The following ADGRL1 variants were observed in gnomAD, a reference collection of about 807,000 sequenced individuals.
The protein encoded by ADGRL1 is CIRL-1.
Under a neutral mutation model 148.9 loss-of-function variants are expected in ADGRL1, and 31 were observed. That is an observed-to-expected ratio of 0.21 (90% confidence interval 0.16 to 0.28). The LOEUF (loss-of-function observed/expected upper bound fraction) is 0.28, where lower values mean the gene tolerates loss of function less well. Among genes scored for constraint, ADGRL1 ranks in the 10% least tolerant of loss-of-function variants. The probability of loss-of-function intolerance (pLI) is 1.00; values close to 1 mark genes in which losing one functional copy is unlikely to be tolerated. For missense variants in ADGRL1, 1,521 were observed against 2,058.8 expected (o/e 0.74, Z 5.05); for synonymous variants, 937 against 900.3 (o/e 1.04, Z -0.73).
At chr19:14,197,962 C>T (rs1236234362) in intron 1 of ADGRL1, among the ~76,000 whole-genome samples, 1 of 152,138 alleles carries the variant, frequency 6.6e-6, no homozygotes, top group East Asian at 1.9e-4. Flanking sequence ...CATGTAGGTG[C>T]AACTGTAGAC....
intron 1 of ADGRL1, among the ~76,000 whole-genome samples, chr19:14,202,467 G>C (rs1404196153): frequency 6.6e-6 from 1 of 151,996 alleles, no homozygotes; most frequent in Non-Finnish European, 1.5e-5. Context: ...TGGCCAGGCT[G>C]GTCTCGAGCC....
At chr19:14,200,898 G>A (rs2082486) in intron 1 of ADGRL1, among the ~76,000 whole-genome samples, 25,858 of 152,226 alleles carry the variant, frequency 0.17, 2,673 homozygotes, top group East Asian at 0.4. Flanking sequence ...GATTACAGGC[G>A]TGGGCCACTT....
chr19:14,154,851 A>G (rs1968561847), intron 18 of ADGRL1, among the ~76,000 whole-genome samples: 1 of 152,012 alleles, frequency 6.6e-6, no homozygotes, highest in South Asian at 2.1e-4. Flanking sequence ...TCCTGACCTC[A>G]GGTGATCCGC....
Position 14,170,746 on chromosome 19 carries a change from G to C in ADGRL1, c.330C>G (p.Ala110=), listed in dbSNP as rs745437981. 3 of 1,613,138 alleles carry C rather than the reference G, an allele frequency of 1.9e-6. No homozygotes were observed. In the African/African-American group the frequency reaches 4.0e-5, roughly 22 times the overall value. The part of the protein sequence containing the change: ...TQCVVVAGSD[A]FPDPCPGTYK... Reference sequence around the variant, plus strand: ...AGGTCCCAGGACAGGGGTCAGGAAAGGCATCCGAGCCGGCGACCACCACGC... The same window carrying C: ...AGGTCCCAGGACAGGGGTCAGGAAACGCATCCGAGCCGGCGACCACCACGC... The change falls in exon 4 of 23, where the codon GCC becomes GCG. Residue 110 remains alanine (A), a synonymous_variant. Transcript: ENST00000361434.
Position 14,160,731 on chromosome 19 carries a change from G to T in ADGRL1, c.1511-35C>A. ...CAGACAGACAGGAACAGACAAGGGAGCCAAAGGGAAGAAGAGAAGGATGGG... is the reference window on the plus strand; with the variant it reads ...CAGACAGACAGGAACAGACAAGGGATCCAAAGGGAAGAAGAGAAGGATGGG... On this transcript the variant is annotated intron_variant, in intron 6 of 22. Transcript: ENST00000361434. The surrounding 1 kb of genome is among the most constrained non-coding windows in gnomAD (Gnocchi z 5.9). The T allele has an allele frequency of 7.9e-7, 1 of 1,271,902 alleles. No homozygotes were observed. Among genetic ancestry groups the T allele is most frequent in the Admixed American group, 1.7e-5 (1 of 57,158 alleles). The allele number at this position is 1,271,902 out of a possible 1,614,324, so 78.8% of individuals were successfully genotyped here.
At chr19:14,154,103 CAT>C (rs1968492623) in intron 18 of ADGRL1, among the ~76,000 whole-genome samples, 1 of 152,096 alleles carries the variant, frequency 6.6e-6, no homozygotes, top group Non-Finnish European at 1.5e-5. Context: ...CAGATCAGAC[CAT>C]AGGGGCCTGG....
Position 14,159,303 on chromosome 19 carries a change from A to G in ADGRL1, c.2024-88T>C, listed in dbSNP as rs1000566770. 1 of 1,578,846 alleles carries G rather than the reference A, an allele frequency of 6.3e-7. No individual in the cohort carries two copies. Among genetic ancestry groups the G allele is most frequent in the Non-Finnish European group, 8.6e-7 (1 of 1,158,410 alleles). ...GGCTGCAGAACGAGACTCTGGCAAG[A>G]TGCCCAAGGGTCGGATAGCCCCCCT... On this transcript the variant is annotated intron_variant, in intron 10 of 22. Transcript: ENST00000361434. This position sits in a 1 kb window ranked among gnomAD's most constrained non-coding sequence, Gnocchi z 6.0.
intron 4 of ADGRL1, chr19:14,168,939 A>C (rs1329903399): frequency 6.6e-6 from 1 of 152,264 alleles, no homozygotes; most frequent in Non-Finnish European, 1.5e-5. Context: ...CACTGAAGTG[A>C]GGCCACATGG....
rs759666073 is a variant in ADGRL1, at chr19:14,155,971, C to T, written c.3125+139G>A. On this transcript the variant is annotated intron_variant, in intron 17 of 22. Coordinates refer to ENST00000361434, the MANE Select transcript of ADGRL1 (RefSeq NM_014921.5). The surrounding 1 kb of genome is among the most constrained non-coding windows in gnomAD (Gnocchi z 5.0). Reference sequence around the variant, plus strand: ...TAGGTACATAGTGAACACAATAGAACACCCCTGTTGGTACTTAAAATTGCA... The same window carrying T: ...TAGGTACATAGTGAACACAATAGAATACCCCTGTTGGTACTTAAAATTGCA... The T allele has an allele frequency of 4.3e-5, 29 of 667,710 alleles. No homozygotes were observed. The highest frequency in any genetic ancestry group is 6.8e-5 in the Non-Finnish European group (25 of 368,842). 41.4% of individuals were successfully genotyped at this position (667,710 alleles called of 1,614,324 possible).
rs772808547 is a variant in ADGRL1 at position 14,158,382 on chromosome 19, C to T, written c.2320G>A (p.Val774Ile). ...AASINKESSR[V>I]FLMDPVIFTV... ...AAGATGACAGGGTCCATGAGGAAGA[C>T]GCGGCTGGACTCCTTGTTGATGGAT... Residue 774 changes from valine (V) to isoleucine (I), a missense_variant, in exon 12 of 23, where the codon GTC (valine) becomes ATC (isoleucine). Transcript: ENST00000361434. 15 of 1,613,684 alleles carry T rather than the reference C, an allele frequency of 9.3e-6. No individual in the cohort carries two copies. Among genetic ancestry groups the T allele is most frequent in the East Asian group, 4.5e-5 (2 of 44,896 alleles).
In ADGRL1 at chr19:14,173,045, G is replaced by A. The variant is rs147198795; in HGVS notation, c.285-2254C>T. On this transcript the variant is annotated intron_variant, in intron 3 of 22. Transcript: ENST00000361434. ...TACAATCTTGGCTCACTGCAGCCTC[G>A]GCCTCCCAGGCTCAAGTGATCCTCC... 6.7e-3 allele frequency among the ~76,000 whole-genome samples: 1,025 copies of A among 152,064 alleles called. 18 individuals are homozygous for A. The highest frequency in any genetic ancestry group is 0.024 in the African/African-American group (986 of 41,480).
chr19:14,183,194 A>AGAGAGAGAGAGC (rs1491220783), intron 2 of ADGRL1, among the ~76,000 whole-genome samples: 1 of 37,194 alleles, frequency 2.7e-5, no homozygotes, highest in Non-Finnish European at 5.8e-5. Context: ...ATGTAATCAC[A>AGAGAGAGAGAGC]GAGAGAGAGA....
chr19:14,203,083 T>A lies in ADGRL1; in HGVS notation c.-96+2902A>T, dbSNP rs553431322. 6.6e-5 allele frequency among the ~76,000 whole-genome samples: 10 copies of A among 152,200 alleles called. No homozygotes were observed. The East Asian group carries it at 1.9e-3, about 30-fold the overall frequency. On this transcript the variant is annotated intron_variant, in intron 1 of 22. Transcript: ENST00000361434. ...CATCAGGGTGCCCAATAGCAACCAC[T>A]TTGCCCCAAACCCAGCCTGGGAGGA...
intron 1 of ADGRL1, chr19:14,191,332 T>G (rs1484573737): frequency 2.2e-6 from 1 of 456,668 alleles, no homozygotes; most frequent in South Asian, 1.5e-5. Context: ...CTTGCCATGC[T>G]GTGACCTCTT....
intron 1 of ADGRL1, among the ~76,000 whole-genome samples, chr19:14,200,676 G>A (rs1322770900): frequency 6.6e-6 from 1 of 152,136 alleles, no homozygotes; most frequent in East Asian, 1.9e-4. Flanking sequence ...GCAGTGGCGC[G>A]ATCACAGCTC....
At chr19:14,194,012 C>T (rs1276263201) in intron 1 of ADGRL1, among the ~76,000 whole-genome samples, 3 of 151,674 alleles carry the variant, frequency 2.0e-5, no homozygotes, top group East Asian at 2.0e-4. Context: ...GAGGCCAAGG[C>T]GGGAGAATTG....
rs760508187 is a variant in ADGRL1 at position 14,157,092 on chromosome 19, G to A, written c.2799C>T (p.Phe933=). 1.2e-6 allele frequency: 2 copies of A among 1,614,154 alleles called. No individual in the cohort carries two copies. Among genetic ancestry groups the A allele is most frequent in the Admixed American group, 3.3e-5 (2 of 60,014 alleles). Residue 933 remains phenylalanine (F), a synonymous_variant, in exon 15 of 23, where the codon TTC becomes TTT. Transcript: ENST00000361434. The surrounding 1 kb of genome is among the most constrained non-coding windows in gnomAD (Gnocchi z 7.5). ...GLLHYFFLAA[F]SWLCLEGVHL... Reference sequence around the variant, plus strand: ...GCACGCCCTCCAGGCACAGCCAGGAGAAGGCAGCCAGGAAGAAATAGTGCA... The same window carrying A: ...GCACGCCCTCCAGGCACAGCCAGGAAAAGGCAGCCAGGAAGAAATAGTGCA...
At chr19:14,175,102 C>CA (rs1325571377) in intron 3 of ADGRL1, among the ~76,000 whole-genome samples, 1 of 152,112 alleles carries the variant, frequency 6.6e-6, no homozygotes, top group Non-Finnish European at 1.5e-5. Flanking sequence ...CTCAGCCTCC[C>CA]AAAGTTCTGT....
chr19:14,165,851 A>AT (rs1466859469), intron 4 of ADGRL1, among the ~76,000 whole-genome samples: 1 of 152,002 alleles, frequency 6.6e-6, no homozygotes, highest in East Asian at 1.9e-4. Flanking sequence ...GACCACTGTA[A>AT]TTTCAAGGCA....
Sources: allele counts gnomAD v4.1 joint callset (sites outside exome capture counted in the v4.1 genomes callset), GRCh38; gene constraint gnomAD v4.1.1; non-coding constraint Gnocchi (gnomAD v3.1); transcripts MANE v1.5; gene names NCBI Gene and HGNC (gene_info 2026-07-23, HGNC 2026-07-21).